The following PPFIA1 variants were observed in gnomAD, a reference collection of about 807,000 sequenced individuals.
The protein encoded by PPFIA1 is liprin-alpha-1.
In PPFIA1, 25 loss-of-function variants were observed where a neutral mutation model predicts 149.9. The ratio of observed to expected loss-of-function variants is 0.17; its 90% CI spans 0.12 to 0.23. The LOEUF (loss-of-function observed/expected upper bound fraction) is 0.23. Ranked by LOEUF, PPFIA1 falls within the 10% of genes least tolerant of loss-of-function variation. The probability of loss-of-function intolerance (pLI) is 1.00; values close to 1 mark genes in which losing one functional copy is unlikely to be tolerated. For missense variants in PPFIA1, 1,362 were observed against 1,506.5 expected (o/e 0.90, Z 1.59); for synonymous variants, 549 against 552.8 (o/e 0.99, Z 0.10).
At chr11:70,273,746 T>C (rs1192699135) in intron 2 of PPFIA1, among the ~76,000 whole-genome samples, 1 of 152,246 alleles carries the variant, frequency 6.6e-6, no homozygotes, top group Non-Finnish European at 1.5e-5. Flanking sequence ...ATTTCAATCT[T>C]ATAAATTACC....
At position 70,384,264 on chromosome 11, in the gene PPFIA1, G is replaced by A. The variant is rs1363454014; in HGVS notation, c.*1274G>A. On this transcript the variant is annotated 3_prime_UTR_variant, in exon 28 of 28. Transcript: ENST00000253925. ...TTGTACAATTCATTGTTACTGTTCT[G>A]TTTTTCTATTAATCTTTTGTCAACT... 1 of 152,510 alleles carries A rather than the reference G, an allele frequency of 6.6e-6. No individual in the cohort carries two copies. Among genetic ancestry groups the A allele is most frequent in the Non-Finnish European group, 1.5e-5 (1 of 68,008 alleles). 9.4% of individuals were successfully genotyped at this position (152,510 alleles called of 1,614,324 possible).
intron 2 of PPFIA1, among the ~76,000 whole-genome samples, chr11:70,293,777 C>T (rs954531898): frequency 2.6e-5 from 4 of 152,142 alleles, no homozygotes; most frequent in African/African-American, 9.7e-5. Context: ...GCAAAGTCAG[C>T]TGCCCTGGGG....
At chr11:70,380,928 A>G (rs1166099082) in intron 26 of PPFIA1, among the ~76,000 whole-genome samples, 3 of 151,816 alleles carry the variant, frequency 2.0e-5, no homozygotes, top group Non-Finnish European at 2.9e-5. Context: ...CAGCCTCCCA[A>G]GTAGCTGGGA....
At chr11:70,364,604 A>C (rs938194808) in intron 21 of PPFIA1, 1 of 152,146 alleles carries the variant, frequency 6.6e-6, no homozygotes, top group Admixed American at 6.5e-5. Context: ...TAATGAACAA[A>C]TTATGGTGAT....
intron 15 of PPFIA1, among the ~76,000 whole-genome samples, chr11:70,346,526 G>A (rs2137186301): frequency 6.6e-6 from 1 of 152,034 alleles, no homozygotes; most frequent in Admixed American, 6.5e-5. Context: ...CCCATTTCAT[G>A]TGCCACCTTG....
rs1306333971 is a variant in PPFIA1, at chr11:70,339,212, T to G, written c.1613T>G (p.Met538Arg). ...LGSVPDFRFP[M>R]ADGHTDSYST... Reference sequence around the variant, plus strand: ...AGTGTCCCAGATTTCAGGTTCCCCATGGCAGACGGCCACACAGACTCCTAC... The same window carrying G: ...AGTGTCCCAGATTTCAGGTTCCCCAGGGCAGACGGCCACACAGACTCCTAC... The change falls in exon 14 of 28, where the codon ATG (methionine) becomes AGG (arginine). Residue 538 changes from methionine (M) to arginine (R), a missense_variant. Coordinates refer to ENST00000253925, the MANE Select transcript of PPFIA1 (RefSeq NM_003626.5). 6.2e-7 allele frequency: 1 copy of G among 1,614,058 alleles called. No homozygotes were observed. The highest frequency in any genetic ancestry group is 1.3e-5 in the African/African-American group (1 of 74,952).
intron 2 of PPFIA1, among the ~76,000 whole-genome samples, chr11:70,291,333 G>A (rs577973386): frequency 2.0e-5 from 3 of 152,168 alleles, no homozygotes; most frequent in African/African-American, 4.8e-5. Context: ...AGATGATTTC[G>A]AATAGCCTGA....
intron 2 of PPFIA1, among the ~76,000 whole-genome samples, chr11:70,295,217 C>T (rs1322779669): frequency 1.4e-5 from 2 of 145,184 alleles, no homozygotes; most frequent in African/African-American, 5.2e-5. Context: ...GACGGGGTGG[C>T]TGGCCGGGCG....
chr11:70,306,247 ATC>A (rs1313001850), intron 2 of PPFIA1, among the ~76,000 whole-genome samples: 2 of 152,124 alleles, frequency 1.3e-5, no homozygotes, highest in African/African-American at 4.8e-5. Flanking sequence ...AGGCACAAAA[ATC>A]TCTTACTGTA....
chr11:70,299,707 C>T (rs928701657), intron 2 of PPFIA1, among the ~76,000 whole-genome samples: 1 of 152,208 alleles, frequency 6.6e-6, no homozygotes, highest in East Asian at 1.9e-4. Flanking sequence ...AAGCTTCGCT[C>T]TTGGCCCCTC....
At position 70,343,715 on chromosome 11, in the gene PPFIA1, G is replaced by C. The variant is rs151134329; in HGVS notation, c.1754G>C (p.Ser585Thr). The C allele has an allele frequency of 3.0e-5, 48 of 1,614,142 alleles. 1 individual carries two copies. Reference sequence around the variant, plus strand: ...GATTGGGAACGTGCCCAGCAAGCTAGTGTCTTGGCAAATGTAGCACAAGCA... The same window carrying C: ...GATTGGGAACGTGCCCAGCAAGCTACTGTCTTGGCAAATGTAGCACAAGCA... The part of the protein sequence containing the change: ...EQDWERAQQA[S>T]VLANVAQAFE... The change falls in exon 15 of 28, where the codon AGT becomes ACT. Residue 585 changes from serine (S) to threonine (T), a missense_variant. Ser to Thr is a moderately conservative substitution (Grantham distance 58). Coordinates refer to ENST00000253925, the MANE Select transcript of PPFIA1 (RefSeq NM_003626.5).
intron 2 of PPFIA1, among the ~76,000 whole-genome samples, chr11:70,301,907 T>A (rs1481981584): frequency 2.0e-5 from 3 of 152,232 alleles, no homozygotes; most frequent in Non-Finnish European, 4.4e-5. Context: ...GAGCTGTCAG[T>A]ATTACTCAGT....
At chr11:70,292,570 C>G (rs1000061956) in intron 2 of PPFIA1, among the ~76,000 whole-genome samples, 3 of 152,150 alleles carry the variant, frequency 2.0e-5, no homozygotes, top group East Asian at 1.9e-4. Context: ...GTATTGTCTA[C>G]TGTGTGTAAG....
chr11:70,303,071 C>T (rs1190098394), intron 2 of PPFIA1, among the ~76,000 whole-genome samples: 1 of 152,186 alleles, frequency 6.6e-6, no homozygotes, highest in East Asian at 1.9e-4. Context: ...TTTCCTTGGT[C>T]TTGCGTATGC....
At chr11:70,378,332 ATG>A in intron 26 of PPFIA1, 137 bp downstream of exon 26, 15 of 1,335,048 alleles carry the variant, frequency 1.1e-5, no homozygotes, top group Non-Finnish European at 1.3e-5. Context: ...CCAAATATAA[ATG>A]TTTTTAAATT....
rs1213892467 is a variant in PPFIA1, at chr11:70,296,010, C to T, written c.264+23574C>T. On this transcript the variant is annotated intron_variant, in intron 2 of 27. Coordinates refer to ENST00000253925, the MANE Select transcript of PPFIA1 (RefSeq NM_003626.5). ...GCTCCTCACCTCCCAGACGGGGTCG[C>T]GACCGGGCAGAGGCGCTCCTCACAT... 4.0e-5 allele frequency among the ~76,000 whole-genome samples: 6 copies of T among 151,348 alleles called. No homozygotes were observed. The South Asian group carries it at 8.4e-4, about 21-fold the overall frequency.
At chr11:70,292,385 G>T (rs1233438804) in intron 2 of PPFIA1, among the ~76,000 whole-genome samples, 1 of 152,216 alleles carries the variant, frequency 6.6e-6, no homozygotes, top group Non-Finnish European at 1.5e-5. Context: ...TGGAGCGCGG[G>T]CTGGGTGGGT....
chr11:70,376,440 T>G, intron 24 of PPFIA1, 92 bp from the exon 25 acceptor site: 1 of 1,280,840 alleles, frequency 7.8e-7, no homozygotes, highest in Non-Finnish European at 1.1e-6. Flanking sequence ...AGTGAGGGAG[T>G]TTAAGTCTTG....
chr11:70,359,478 A>T (rs2056526596), intron 19 of PPFIA1, among the ~76,000 whole-genome samples: 2 of 152,014 alleles, frequency 1.3e-5, no homozygotes, highest in Admixed American at 6.6e-5. Context: ...GTGTTTTTTT[A>T]TGGGTTTTGG....
Sources: gnomAD v4.1 joint callset for allele counts (sites outside exome capture counted in the v4.1 genomes callset) on GRCh38, gnomAD v4.1.1 for gene constraint, MANE v1.5 for transcripts, NCBI Gene and HGNC (gene_info 2026-07-23, HGNC 2026-07-21) for gene names.